ATRAID: variants seen among roughly 807,000 people sequenced by gnomAD.
ATRAID encodes all-trans retinoic acid-induced differentiation factor.
In ATRAID, 26 loss-of-function variants were observed where a neutral mutation model predicts 28.8. The ratio of observed to expected loss-of-function variants is 0.90; its 90% CI spans 0.66 to 1.25. The LOEUF is 1.25. Ranked by LOEUF, ATRAID falls within the 50% of genes most tolerant of loss-of-function variation. The pLI, the probability that ATRAID is intolerant of heterozygous loss-of-function variation, is 0.00. For missense variants in ATRAID, 308 were observed against 285.9 expected (o/e 1.08, Z -0.56); for synonymous variants, 131 against 108.5 (o/e 1.21, Z -1.29).
rs1572412645 is a variant in ATRAID, at chr2:27,215,348, G to A, written c.249G>A (p.Glu83=). Residue 83 remains glutamate, a synonymous_variant, in exon 3 of 7, where the codon GAG becomes GAA. Coordinates refer to ENST00000380171, the MANE Select transcript of ATRAID (RefSeq NM_001170795.4). ...TGGATCTCCAGAACTGTTCTCTGGAGGACCCTGGTCCAAACTTTCATCAGG... is the reference window on the plus strand; with the variant it reads ...TGGATCTCCAGAACTGTTCTCTGGAAGACCCTGGTCCAAACTTTCATCAGG... ...LGLDLQNCSL[E]DPGPNFHQAH... 2 of 1,614,052 alleles carry A rather than the reference G, an allele frequency of 1.2e-6. No individual in the cohort carries two copies. Among genetic ancestry groups the A allele is most frequent in the East Asian group, 2.2e-5 (1 of 44,902 alleles).
chr2:27,212,603 G>T, intron 1 of ATRAID, 136 bp downstream of exon 1: 1 of 1,437,726 alleles, frequency 7.0e-7, no homozygotes, highest in East Asian at 2.6e-5. Context: ...ACCCTGCCCA[G>T]CCAGGTCCTG....
At position 27,216,635 on chromosome 2, in the gene ATRAID, C is replaced by T. The variant is rs751823502; in HGVS notation, c.585+15C>T. The T allele has an allele frequency of 7.5e-6, 12 of 1,601,560 alleles. No homozygotes were observed. Among genetic ancestry groups the T allele is most frequent in the African/African-American group, 2.7e-5 (2 of 74,640 alleles). On this transcript the variant is annotated intron_variant, in intron 6 of 6. Coordinates refer to ENST00000380171, the MANE Select transcript of ATRAID (RefSeq NM_001170795.4). ...GTATGCGCCAGGTGAGGAATTAGGC[C>T]GTCTAACTAGGGATACAAGGAATGC... is the stretch of plus-strand genomic sequence containing the variant.
Position 27,212,237 on chromosome 2 carries a change from A to C in ATRAID, c.-132A>C, listed in dbSNP as rs757279597. ...CAGCGCAGAGCTCCACGAGCAGGAAAAGCCCCCAAGCAGCCCCAGGGCGAC... is the reference window on the plus strand; with the variant it reads ...CAGCGCAGAGCTCCACGAGCAGGAACAGCCCCCAAGCAGCCCCAGGGCGAC... On this transcript the variant is annotated 5_prime_UTR_variant, in exon 1 of 7. Transcript: ENST00000380171. 1.9e-6 allele frequency: 3 copies of C among 1,561,232 alleles called. No individual in the cohort carries two copies. In the African/African-American group the frequency reaches 4.1e-5, roughly 21 times the overall value.
rs1008774922 is a variant in ATRAID, at chr2:27,216,831, CTGT to C, written c.586-8_586-6del. 9 of 1,608,994 alleles carry C rather than the reference CTGT, an allele frequency of 5.6e-6. No individual in the cohort carries two copies. The highest frequency in any genetic ancestry group is 4.4e-5 in the South Asian group (4 of 90,892). ...ACGTTGTATGGGGGTGTTTTTTGGT[CTGT>C]TGTTCACAGGGCTCGTTCTCACTGC... is the stretch of plus-strand genomic sequence containing the variant. On this transcript the variant is annotated splice_polypyrimidine_tract_variant and intron_variant, in intron 6 of 6. Coordinates refer to ENST00000380171, the MANE Select transcript of ATRAID (RefSeq NM_001170795.4).
At chr2:27,213,359 T>C in intron 2 of ATRAID, 61 bp downstream of exon 2, 2 of 1,555,670 alleles carry the variant, frequency 1.3e-6, no homozygotes, top group Non-Finnish European at 1.7e-6. Context: ...GCTGCTTTTA[T>C]ACCCTTATAT....
At position 27,212,543 on chromosome 2, in the gene ATRAID, C is replaced by T. The variant is rs1288240372; in HGVS notation, c.99+76C>T. 55 of 1,500,222 alleles carry T rather than the reference C, an allele frequency of 3.7e-5. No homozygotes were observed. In the Middle Eastern group the frequency reaches 9.9e-4, roughly 27 times the overall value. The allele number at this position is 1,500,222 out of a possible 1,614,324, so 92.9% of individuals were successfully genotyped here. On this transcript the variant is annotated intron_variant, in intron 1 of 6. Coordinates refer to ENST00000380171, the MANE Select transcript of ATRAID (RefSeq NM_001170795.4). ...TGCGTCGCGCTCGCCAGCGGCTCCC[C>T]CTTCTCCTCGGCGGGCCTGCGGTTC...
Position 27,217,095 on chromosome 2 carries a change from T to C in ATRAID, c.*147T>C. On this transcript the variant is annotated 3_prime_UTR_variant, in exon 7 of 7. Coordinates refer to ENST00000380171, the MANE Select transcript of ATRAID (RefSeq NM_001170795.4). ...TGGAAGATGAAAAATTGCACTCCCT[T>C]GGTGTAGACAAATACCAGTTCCCAT... 1 of 633,680 alleles carries C rather than the reference T, an allele frequency of 1.6e-6. No homozygotes were observed. Among genetic ancestry groups the C allele is most frequent in the South Asian group, 2.0e-5 (1 of 49,252 alleles). The allele number at this position is 633,680 out of a possible 1,614,324, so 39.3% of individuals were successfully genotyped here. A position where few individuals can be genotyped will look rare whatever the true frequency, so the allele number is the denominator to read the frequency against.
chr2:27,213,112 G>A, intron 1 of ATRAID, 65 bp from the exon 2 acceptor site: 3 of 1,581,228 alleles, frequency 1.9e-6, no homozygotes, highest in Non-Finnish European at 2.6e-6. Flanking sequence ...GTTAATTCTT[G>A]ATCGCCGTTT....
chr2:27,212,190 G>A lies in ATRAID; in HGVS notation c.-179G>A. ...AGGGGGTCGGCCAGTATCCCCGAAA[G>A]AGGGCTAGGGCGCATGAAGACCAGC... On this transcript the variant is annotated 5_prime_UTR_variant, in exon 1 of 7. Transcript: ENST00000380171. 6.5e-7 allele frequency: 1 copy of A among 1,543,986 alleles called. No individual in the cohort carries two copies. The highest frequency in any genetic ancestry group is 1.2e-5 in the South Asian group (1 of 83,020).
intron 2 of ATRAID, among the ~76,000 whole-genome samples, chr2:27,214,342 A>G (rs1674743479): frequency 6.6e-6 from 1 of 152,188 alleles, no homozygotes; most frequent in African/African-American, 2.4e-5. Flanking sequence ...ACGTGGCATG[A>G]TCCTTAATGT....
Position 27,212,047 on chromosome 2 carries a change from C to A in ATRAID, c.-322C>A. ...AGGGCGGATGGAGGGGCCCGAGTTT[C>A]TGCGAAGCCGCGACCTCGGCGTCCG... On this transcript the variant is annotated 5_prime_UTR_variant, in exon 1 of 7. It adds an upstream start codon to the 5' untranslated region. Transcript: ENST00000380171. The A allele has an allele frequency of 2.0e-6, 2 of 985,540 alleles. No homozygotes were observed. Among genetic ancestry groups the A allele is most frequent in the Non-Finnish European group, 2.9e-6 (2 of 697,730 alleles). 61.0% of individuals were successfully genotyped at this position (985,540 alleles called of 1,614,324 possible). A position where few individuals can be genotyped will look rare whatever the true frequency, so the allele number is the denominator to read the frequency against.
intron 5 of ATRAID, 110 bp from the exon 6 acceptor site, chr2:27,216,413 C>T: frequency 1.1e-6 from 1 of 916,902 alleles, no homozygotes. Context: ...TTTCTTTCTT[C>T]TTCCTTTATC....
chr2:27,216,745 C>G, intron 6 of ATRAID, 99 bp from the exon 7 acceptor site: 2 of 1,425,530 alleles, frequency 1.4e-6, no homozygotes, highest in South Asian at 1.2e-5. Context: ...TAGAATTGCC[C>G]TAGACAAAGT....
intron 5 of ATRAID, chr2:27,216,283 CT>C (rs1373785920): frequency 5.8e-5 from 29 of 498,922 alleles, no homozygotes; most frequent in Non-Finnish European, 1.1e-5. Flanking sequence ...ATTTTCATTT[CT>C]TTTGTGGATC....
chr2:27,216,404 T>A, intron 5 of ATRAID, 119 bp from the exon 6 acceptor site: 2 of 842,912 alleles, frequency 2.4e-6, no homozygotes, highest in Non-Finnish European at 3.9e-6. Flanking sequence ...ATCTGTAATT[T>A]TCTTTCTTCT....
intron 2 of ATRAID, 47 bp downstream of exon 2, chr2:27,213,345 C>G: frequency 6.3e-7 from 1 of 1,589,236 alleles, no homozygotes. Context: ...CATTCCTTAG[C>G]CTGGCTGCTT....
At chr2:27,214,885 T>C (rs903535489) in intron 2 of ATRAID, among the ~76,000 whole-genome samples, 2 of 152,236 alleles carry the variant, frequency 1.3e-5, no homozygotes, top group Admixed American at 1.3e-4. Context: ...TACTAACCAG[T>C]ACAGTAGCTA....
intron 5 of ATRAID, 58 bp downstream of exon 5, chr2:27,215,811 C>A: frequency 6.3e-7 from 1 of 1,584,798 alleles, no homozygotes; most frequent in Non-Finnish European, 8.6e-7. Flanking sequence ...GTATTTTCCA[C>A]TTTAGATCAG....
intron 1 of ATRAID, chr2:27,212,854 C>A (rs986837503): frequency 2.2e-6 from 1 of 455,092 alleles, no homozygotes; most frequent in Admixed American, 4.2e-5. Flanking sequence ...TACACCGCGC[C>A]AAACTAGGGC....
Sources: allele counts gnomAD v4.1 joint callset (sites outside exome capture counted in the v4.1 genomes callset), GRCh38; gene constraint gnomAD v4.1.1; transcripts MANE v1.5; gene names NCBI Gene and HGNC (gene_info 2026-07-23, HGNC 2026-07-21).